Variants in ATP8A2 observed in about 807,000 individuals in gnomAD.
The protein encoded by ATP8A2 is phospholipid-transporting ATPase IB.
ATP8A2 carries 100 observed loss-of-function variants against 165.6 expected under a neutral mutation model. The ratio of observed to expected loss-of-function variants is 0.60; its 90% CI spans 0.51 to 0.71. ATP8A2 has a LOEUF of 0.71. Ranked by LOEUF, ATP8A2 falls within the 30% of genes least tolerant of loss-of-function variation. The pLI, the probability that ATP8A2 is intolerant of heterozygous loss-of-function variation, is 0.00. For synonymous variants in ATP8A2, 543 were observed against 548.8 expected, an observed-to-expected ratio of 0.99 and a Z score of 0.15; for missense variants, 1,227 against 1,479.5, an observed-to-expected ratio of 0.83 and a Z score of 2.80.
At chr13:25,961,357 G>A (rs540355555) in intron 33 of ATP8A2, among the ~76,000 whole-genome samples, 6 of 152,340 alleles carry the variant, frequency 3.9e-5, no homozygotes, top group South Asian at 2.1e-4. Flanking sequence ...AAGGGCACAC[G>A]TCAAACTAGA....
chr13:25,768,883 A>C (rs2044552487), intron 25 of ATP8A2, among the ~76,000 whole-genome samples, 163 bp from the exon 26 acceptor site: 1 of 152,226 alleles, frequency 6.6e-6, no homozygotes, highest in Non-Finnish European at 1.5e-5. Flanking sequence ...TGAAAGCCAC[A>C]AGCTACTGTT....
intron 16 of ATP8A2, among the ~76,000 whole-genome samples, chr13:25,567,906 T>C (rs1156965142): frequency 2.0e-5 from 3 of 152,210 alleles, no homozygotes; most frequent in Non-Finnish European, 4.4e-5. Context: ...TTAGATTACT[T>C]GTTCATTTTG....
At chr13:25,851,403 G>A (rs1196916105) in intron 30 of ATP8A2, among the ~76,000 whole-genome samples, 4 of 152,066 alleles carry the variant, frequency 2.6e-5, no homozygotes, top group Admixed American at 1.3e-4. Context: ...CCAACTTGGT[G>A]AAACCCCCGT....
chr13:25,660,469 T>G (rs2042025725), intron 24 of ATP8A2, among the ~76,000 whole-genome samples: 1 of 152,118 alleles, frequency 6.6e-6, no homozygotes, highest in Admixed American at 6.5e-5. Context: ...GCAAGTTGGA[T>G]CAATTTTAAT....
intron 24 of ATP8A2, among the ~76,000 whole-genome samples, chr13:25,655,334 A>AT: frequency 6.6e-6 from 1 of 151,996 alleles, no homozygotes; most frequent in Admixed American, 6.6e-5. Flanking sequence ...TAATTTTTGT[A>AT]TTTTTAGTAG....
Position 25,594,984 on chromosome 13 carries a change from GTATA to G in ATP8A2, c.2211+5305_2211+5308del, listed in dbSNP as rs58403530. On this transcript the variant is annotated intron_variant, in intron 24 of 36. Transcript: ENST00000381655. ...TAAAGAAACTGTGGTGTGTGTGTGT[GTATA>G]TATATATATATATATATATGTATGT... Among the ~76,000 whole-genome samples, 985 of 142,596 alleles carry G rather than the reference GTATA, an allele frequency of 6.9e-3. 7 individuals are homozygous for G. Among genetic ancestry groups the G allele is most frequent in the African/African-American group, 0.014 (532 of 38,514 alleles). 93.5% of individuals were successfully genotyped at this position (142,596 alleles called of 152,430 possible).
intron 35 of ATP8A2, among the ~76,000 whole-genome samples, chr13:26,007,437 T>C (rs1203394523): frequency 2.0e-5 from 3 of 152,214 alleles, no homozygotes; most frequent in Non-Finnish European, 4.4e-5. Context: ...TCCTTTGCTG[T>C]TTTAAAAGTT....
rs1332949393 is a variant in ATP8A2, at chr13:25,784,095, C to CT, written c.2679+9143dup. On this transcript the variant is annotated intron_variant, in intron 27 of 36. Transcript: ENST00000381655. Reference sequence around the variant, plus strand: ...TGCCCTTTCCATGTGACAATCTATGCTTTTTTTATGATGTTTTTGCAGCTG... The same window carrying CT: ...TGCCCTTTCCATGTGACAATCTATGCTTTTTTTTATGATGTTTTTGCAGCTG... Among the ~76,000 whole-genome samples the CT allele has an allele frequency of 7.2e-5, 11 of 152,192 alleles. No individual in the cohort carries two copies. The East Asian group carries it at 1.7e-3, about 24-fold the overall frequency.
intron 27 of ATP8A2, among the ~76,000 whole-genome samples, chr13:25,779,990 A>C (rs1173276003): frequency 6.6e-6 from 1 of 152,224 alleles, no homozygotes; most frequent in Non-Finnish European, 1.5e-5. Context: ...TACAGTTTCA[A>C]AGCACAGCAG....
chr13:25,646,671 A>AAAAAAAAAAAAC (rs10675043), intron 24 of ATP8A2, among the ~76,000 whole-genome samples: 1 of 123,996 alleles, frequency 8.1e-6, no homozygotes, highest in Non-Finnish European at 1.6e-5. Context: ...AAAAAAAAAA[A>AAAAAAAAAAAAC]CACACAAAAG....
intron 27 of ATP8A2, among the ~76,000 whole-genome samples, chr13:25,803,278 A>AGGT (rs1950659638): frequency 6.6e-6 from 1 of 152,178 alleles, no homozygotes; most frequent in Non-Finnish European, 1.5e-5. Flanking sequence ...GACTAACTAC[A>AGGT]GGTCTTAAGT....
intron 36 of ATP8A2, 152 bp downstream of exon 36, chr13:26,012,774 A>C: frequency 1.8e-6 from 1 of 561,992 alleles, no homozygotes; most frequent in Non-Finnish European, 3.0e-6. Flanking sequence ...GAACTGCAAA[A>C]TGTGTATTTG....
At chr13:25,696,442 G>T (rs1469477529) in intron 24 of ATP8A2, among the ~76,000 whole-genome samples, 1 of 152,042 alleles carries the variant, frequency 6.6e-6, no homozygotes, top group African/African-American at 2.4e-5. Flanking sequence ...TTTAATAGAC[G>T]GCTGTTTCAT....
At chr13:25,599,156 T>C (rs570487582) in intron 24 of ATP8A2, among the ~76,000 whole-genome samples, 129 of 152,346 alleles carry the variant, frequency 8.5e-4, no homozygotes, top group African/African-American at 3.0e-3. Flanking sequence ...TACATGTGCA[T>C]AAATTAGCAT....
intron 1 of ATP8A2, among the ~76,000 whole-genome samples, chr13:25,408,764 T>C (rs2033883270): frequency 6.6e-6 from 1 of 152,208 alleles, no homozygotes; most frequent in South Asian, 2.1e-4. Flanking sequence ...TTGGGACCAC[T>C]TTCTTGGTTC....
At chr13:25,958,282 C>T (rs1472630498) in intron 33 of ATP8A2, among the ~76,000 whole-genome samples, 1 of 148,296 alleles carries the variant, frequency 6.7e-6, no homozygotes, top group East Asian at 2.0e-4. Context: ...ACATGTATCC[C>T]AGAACTTAAG....
At chr13:26,018,762 C>T (rs1490333773) in intron 36 of ATP8A2, among the ~76,000 whole-genome samples, 2 of 152,296 alleles carry the variant, frequency 1.3e-5, no homozygotes, top group South Asian at 2.1e-4. Context: ...AGCTCTGCCA[C>T]TCACGAGGTC....
At chr13:25,934,982 A>G (rs921900170) in intron 33 of ATP8A2, among the ~76,000 whole-genome samples, 2 of 152,208 alleles carry the variant, frequency 1.3e-5, no homozygotes, top group Non-Finnish European at 2.9e-5. Context: ...CGATTTGCCA[A>G]CTTTAGCAAG....
intron 33 of ATP8A2, among the ~76,000 whole-genome samples, chr13:25,895,017 G>A (rs1953490471): frequency 6.6e-6 from 1 of 152,092 alleles, no homozygotes; most frequent in Non-Finnish European, 1.5e-5. Context: ...CTAATTGAAT[G>A]CCCTTTATTC....
Sources: allele counts gnomAD v4.1 joint callset (sites outside exome capture counted in the v4.1 genomes callset), GRCh38; gene constraint gnomAD v4.1.1; transcripts MANE v1.5; gene names NCBI Gene and HGNC (gene_info 2026-07-23, HGNC 2026-07-21).